The following SLC6A12 variants were observed in gnomAD, a reference collection of about 807,000 sequenced individuals.
SLC6A12 encodes the protein solute carrier family 6 member 12, also known as sodium- and chloride-dependent betaine transporter.
SLC6A12 carries 50 observed loss-of-function variants against 73.3 expected under a neutral mutation model. The ratio of observed to expected loss-of-function variants is 0.68; its 90% CI spans 0.54 to 0.86. The LOEUF is 0.86. SLC6A12 is among the 40% of genes least tolerant of loss of function. The probability of loss-of-function intolerance (pLI) is 0.00; values close to 1 mark genes in which losing one functional copy is unlikely to be tolerated. For missense variants in SLC6A12, 648 were observed against 772.8 expected (o/e 0.84, Z 1.92); for synonymous variants, 304 against 309.2 (o/e 0.98, Z 0.18).
At chr12:183,949 T>C in the SLC6A12 span, among the ~76,000 whole-genome samples, 2 of 152,126 alleles carry the variant, frequency 1.3e-5, no homozygotes, top group South Asian at 4.2e-4. Flanking sequence ...CTCCTTTTCA[T>C]GAGCCTGGTG....
At chr12:188,340 G>C (rs536937421), downstream of SLC6A12, among the ~76,000 whole-genome samples, 1 of 151,986 alleles carries the variant, frequency 6.6e-6, no homozygotes, top group South Asian at 2.1e-4. Context: ...TCACTGCCCC[G>C]GGCCGGCGGG....
chr12:185,676 C>T (rs1397913887), downstream of SLC6A12, among the ~76,000 whole-genome samples: 3 of 152,244 alleles, frequency 2.0e-5, 1 homozygote. Context: ...CATCTGGCAA[C>T]TTGCACTCGC....
chr12:201,021 GGAGA>G (rs200179327), intron 6 of SLC6A12, among the ~76,000 whole-genome samples: 5 of 151,960 alleles, frequency 3.3e-5, no homozygotes, highest in African/African-American at 1.2e-4. Flanking sequence ...ACAGAAAGAT[GGAGA>G]GAGAGAGAGA....
chr12:187,289 G>A (rs1020307079), downstream of SLC6A12, among the ~76,000 whole-genome samples: 2 of 152,070 alleles, frequency 1.3e-5, no homozygotes, highest in African/African-American at 2.4e-5. Context: ...TCACAGTGAG[G>A]GTTACAGTTC....
At chr12:187,621 A>AAAAAAC (rs1939458564), downstream of SLC6A12, among the ~76,000 whole-genome samples, 1 of 54,028 alleles carries the variant, frequency 1.9e-5, no homozygotes, top group African/African-American at 7.6e-5. Flanking sequence ...AAAAAAAAAA[A>AAAAAAC]AAAAAAAAAA....
In SLC6A12 at chr12:200,337, T is replaced by C. The variant is rs926036792; in HGVS notation, c.711+314A>G. ...GTTAGCCAGGATGGTCTCGATCTCC[T>C]GACCTCGTGATCCGCCAGCCTCGGC... On this transcript the variant is annotated intron_variant, in intron 7 of 15. Transcript: ENST00000684302. Among the ~76,000 whole-genome samples, 4 of 152,130 alleles carry C rather than the reference T, an allele frequency of 2.6e-5. No homozygotes were observed. The South Asian group carries it at 6.3e-4, about 24-fold the overall frequency.
downstream of SLC6A12, among the ~76,000 whole-genome samples, chr12:186,240 C>G (rs1290364109): frequency 3.3e-5 from 5 of 152,174 alleles, no homozygotes; most frequent in East Asian, 9.6e-4. Flanking sequence ...CCACAGGCCA[C>G]AGTGCACGCT....
chr12:211,093 C>A (rs957462492), intron 2 of SLC6A12: 1 of 152,236 alleles, frequency 6.6e-6, no homozygotes, highest in Non-Finnish European at 1.5e-5. Context: ...AGAGGAGGTG[C>A]CCCAGGCTGT....
At chr12:201,581 T>C (rs535761401) in intron 6 of SLC6A12, 181 bp downstream of exon 6, 1 of 600,674 alleles carries the variant, frequency 1.7e-6, no homozygotes, top group Non-Finnish European at 3.0e-6. Context: ...CGTGGACCCG[T>C]GTGGGTAGAT....
At chr12:204,461 G>GAGCGGATGGGTGAAGC (rs548263813) in intron 4 of SLC6A12, 103 bp downstream of exon 4, 40 of 1,146,390 alleles carry the variant, frequency 3.5e-5, no homozygotes, top group African/African-American at 2.1e-4. Context: ...ATATGGGAGT[G>GAGCGGATGGGTGAAGC]AGCGGATGGG....
At chr12:204,151 C>A (rs1399915882) in intron 4 of SLC6A12, 2 of 213,240 alleles carry the variant, frequency 9.4e-6, no homozygotes, top group Non-Finnish European at 1.9e-5. Context: ...GACATTTACA[C>A]GACTGCTGGG....
rs1186054062 is a variant in SLC6A12 at position 202,417 on chromosome 12, A to G, written c.490+323T>C. Among the ~76,000 whole-genome samples, 6 of 152,272 alleles carry G rather than the reference A, an allele frequency of 3.9e-5. No homozygotes were observed. In the South Asian group the frequency reaches 6.2e-4, roughly 16 times the overall value. ...CCCTGCTGCTTTTGCTCAGCCTCGTACCAATCTCCAGCCCTTGGCACCGTG... is the reference window on the plus strand; with the variant it reads ...CCCTGCTGCTTTTGCTCAGCCTCGTGCCAATCTCCAGCCCTTGGCACCGTG... On this transcript the variant is annotated intron_variant, in intron 5 of 15. Transcript: ENST00000684302.
chr12:185,490 C>A (rs950245489), downstream of SLC6A12, among the ~76,000 whole-genome samples: 2 of 152,206 alleles, frequency 1.3e-5, no homozygotes, highest in African/African-American at 4.8e-5. Flanking sequence ...GACAGCCACC[C>A]TCTGTGTGTT....
At chr12:204,976 AT>A (rs1940553428) in intron 3 of SLC6A12, 1 of 362,766 alleles carries the variant, frequency 2.8e-6, no homozygotes, top group South Asian at 5.1e-5. Context: ...TGCACTATTT[AT>A]TTTCTTAGTG....
Position 198,928 on chromosome 12 carries a change from C to T in SLC6A12, c.715G>A (p.Val239Ile), listed in dbSNP as rs982532604. ...WKGVKSTGKVVYFTATFPYLM... is the reference protein window; with the variant it reads ...WKGVKSTGKVIYFTATFPYLM... ...TACGGAAACGTGGCTGTGAAATAAA[C>T]CACCTGGAGGTGGGGGGACAGGCCA... The change falls in exon 8 of 16, where the codon GTT becomes ATT. Residue 239 changes from valine to isoleucine, a missense_variant. Val to Ile is a conservative substitution (Grantham distance 29). Coordinates refer to ENST00000684302, the MANE Select transcript of SLC6A12 (RefSeq NM_001122848.3). This position sits in a 1 kb window ranked among gnomAD's most constrained non-coding sequence, Gnocchi z 4.0. 9.9e-6 allele frequency: 16 copies of T among 1,613,998 alleles called. No individual in the cohort carries two copies. Among genetic ancestry groups the T allele is most frequent in the Admixed American group, 6.7e-5 (4 of 60,002 alleles).
Position 204,417 on chromosome 12 carries a change from C to T in SLC6A12, c.349+147G>A, listed in dbSNP as rs578208829. ...TTTCCCCACCAGGCTCTCTCCGGCC[C>T]ACCCATGAAGCCTGATTCTGCACTT... is the stretch of plus-strand genomic sequence containing the variant. On this transcript the variant is annotated intron_variant, in intron 4 of 15. Transcript: ENST00000684302. The T allele has an allele frequency of 3.2e-5, 26 of 803,100 alleles. No individual in the cohort carries two copies. The African/African-American group carries it at 4.1e-4, about 13-fold the overall frequency. The allele number at this position is 803,100 out of a possible 1,614,324, so 49.7% of individuals were successfully genotyped here.
chr12:196,692 G>C, intron 11 of SLC6A12, 78 bp downstream of exon 11: 4 of 1,014,546 alleles, frequency 3.9e-6, no homozygotes, highest in Middle Eastern at 2.0e-4. Flanking sequence ...GTGGGAGTGA[G>C]GGGAAAGTAG....
In SLC6A12 at chr12:190,914, A is replaced by G. The variant is rs1939566176; in HGVS notation, c.*154T>C. The G allele has an allele frequency of 4.0e-6, 2 of 501,328 alleles. No homozygotes were observed. The highest frequency in any genetic ancestry group is 2.2e-4 in the South Asian group (2 of 9,024). 31.1% of individuals were successfully genotyped at this position (501,328 alleles called of 1,614,324 possible). ...GGAGCTGCTCCAGCTAGCACAAGAG[A>G]GGAGTCTGGCCTCCAGCTGGGGGTG... On this transcript the variant is annotated 3_prime_UTR_variant, in exon 16 of 16. Transcript: ENST00000684302.
chr12:195,184 T>C (rs763126195), intron 13 of SLC6A12, 41 bp downstream of exon 13: 2 of 1,307,160 alleles, frequency 1.5e-6, no homozygotes, highest in East Asian at 2.3e-5. Context: ...TAGACGGTCT[T>C]TCTCCCACCC....
Sources: allele counts gnomAD v4.1 joint callset (sites outside exome capture counted in the v4.1 genomes callset), GRCh38; gene constraint gnomAD v4.1.1; non-coding constraint Gnocchi (gnomAD v3.1); transcripts MANE v1.5; gene names NCBI Gene and HGNC (gene_info 2026-07-23, HGNC 2026-07-21).